CPNE1: variants seen among roughly 807,000 people sequenced by gnomAD.
CPNE1 encodes copine 1, also known as copine-1.
In CPNE1, 58 loss-of-function variants were observed where a neutral mutation model predicts 63.2. That is an observed-to-expected ratio of 0.92 (90% CI 0.74 to 1.14). The LOEUF (loss-of-function observed/expected upper bound fraction) is 1.14. Ranked by LOEUF, CPNE1 falls within the 50% of genes most tolerant of loss-of-function variation. The pLI is 0.00. For missense variants in CPNE1, 672 were observed against 661.7 expected, an observed-to-expected ratio of 1.02 and a Z score of -0.17; for synonymous variants, 237 against 249.0, an observed-to-expected ratio of 0.95 and a Z score of 0.45.
chr20:35,627,653 G>C, intron 13 of CPNE1: 1 of 404,740 alleles, frequency 2.5e-6, no homozygotes, highest in Non-Finnish European at 4.4e-6. Context: ...GATTCTCCTG[G>C]ACAAATCCAG....
chr20:35,644,078 T>C (rs2032975582), intron 1 of CPNE1, among the ~76,000 whole-genome samples: 1 of 152,116 alleles, frequency 6.6e-6, no homozygotes, highest in Non-Finnish European at 1.5e-5. Context: ...GATGATAATG[T>C]TAACTTTACA....
At chr20:35,664,186 T>A (rs1318740318) in intron 1 of CPNE1, among the ~76,000 whole-genome samples, 1 of 152,006 alleles carries the variant, frequency 6.6e-6, no homozygotes, top group Non-Finnish European at 1.5e-5. Flanking sequence ...CCCCTCCACC[T>A]TCAGGCCACG....
chr20:35,650,133 C>T (rs1000929258), intron 1 of CPNE1: 8 of 152,560 alleles, frequency 5.2e-5, no homozygotes, highest in African/African-American at 1.9e-4. Context: ...ATCTCAGATA[C>T]ACAAAAATCA....
chr20:35,633,073 T>C, intron 1 of CPNE1, 150 bp from the exon 2 acceptor site: 1 of 655,056 alleles, frequency 1.5e-6, no homozygotes, highest in South Asian at 1.9e-5. Flanking sequence ...GAAGGCCTCA[T>C]AGCCTCCAAA....
intron 13 of CPNE1, among the ~76,000 whole-genome samples, chr20:35,630,033 C>T (rs1351869710): frequency 1.3e-5 from 2 of 152,180 alleles, no homozygotes; most frequent in African/African-American, 2.4e-5. Flanking sequence ...TGGCTCAATA[C>T]CTGTAATCCC....
intron 1 of CPNE1, among the ~76,000 whole-genome samples, chr20:35,633,555 G>A (rs1391777682): frequency 6.6e-6 from 1 of 151,998 alleles, no homozygotes; most frequent in African/African-American, 2.4e-5. Context: ...TACAGCATTA[G>A]CCTCTTCAAC....
intron 1 of CPNE1, chr20:35,651,416 T>C (rs1372935817): frequency 1.3e-5 from 2 of 152,218 alleles, no homozygotes; most frequent in Admixed American, 6.5e-5. Context: ...CGAACAACTA[T>C]GCCAAAAAGC....
chr20:35,630,849 A>T, intron 11 of CPNE1, 52 bp downstream of exon 11: 1 of 1,604,754 alleles, frequency 6.2e-7, no homozygotes, highest in Non-Finnish European at 8.5e-7. Flanking sequence ...GTAAGCTCAG[A>T]GGCTGAAGCA....
chr20:35,647,694 C>T (rs969611175), intron 1 of CPNE1, among the ~76,000 whole-genome samples: 4 of 152,046 alleles, frequency 2.6e-5, no homozygotes, highest in Non-Finnish European at 5.9e-5. Context: ...CTCTAGGATG[C>T]TTTTGAGACT....
intron 1 of CPNE1, chr20:35,654,988 C>T: frequency 1.9e-6 from 3 of 1,614,130 alleles, no homozygotes; most frequent in South Asian, 1.1e-5. Flanking sequence ...GCTACTCATT[C>T]CTGAGCTAGG....
chr20:35,659,583 TCAAAATATTAA>T (rs2034117188), intron 1 of CPNE1, among the ~76,000 whole-genome samples: 2 of 152,322 alleles, frequency 1.3e-5, no homozygotes, highest in Non-Finnish European at 2.9e-5. Flanking sequence ...CCACTGGAGC[TCAAAATATTAA>T]CAAAATATTA....
chr20:35,634,244 G>A (rs1382915262), intron 1 of CPNE1, among the ~76,000 whole-genome samples: 2 of 141,070 alleles, frequency 1.4e-5, no homozygotes, highest in Non-Finnish European at 3.0e-5. Context: ...CTGGGGGACC[G>A]AGGTTGACTC....
In CPNE1 at chr20:35,626,147, T is replaced by TGCTA; in HGVS notation, c.*90_*93dup. On this transcript the variant is annotated 3_prime_UTR_variant, in exon 16 of 16. Coordinates refer to ENST00000397443, the MANE Select transcript of CPNE1 (RefSeq NM_152925.3). ...TATAAAAGTATCAAAAAATACAAAG[T>TGCTA]GCTAGCACTGAGGAGAGTGAGAAGG... is the stretch of plus-strand genomic sequence containing the variant. The TGCTA allele has an allele frequency of 5.4e-6, 7 of 1,290,788 alleles. No individual in the cohort carries two copies. The highest frequency in any genetic ancestry group is 6.8e-6 in the Non-Finnish European group (6 of 888,024). The allele number at this position is 1,290,788 out of a possible 1,614,324, so 80.0% of individuals were successfully genotyped here. A position where few individuals can be genotyped will look rare whatever the true frequency, so the allele number is the denominator to read the frequency against.
At position 35,626,555 on chromosome 20, in the gene CPNE1, G is replaced by A. The variant is rs1402579820; in HGVS notation, c.1473+12C>T. 6.2e-7 allele frequency: 1 copy of A among 1,611,618 alleles called. No homozygotes were observed. Among genetic ancestry groups the A allele is most frequent in the East Asian group, 2.2e-5 (1 of 44,868 alleles). On this transcript the variant is annotated intron_variant, in intron 15 of 15. Transcript: ENST00000397443. Reference sequence around the variant, plus strand: ...AAGGGTAAACTCCCAGATCAAATTTGCACCTACTCACATTCTGGAACCGGC... The same window carrying A: ...AAGGGTAAACTCCCAGATCAAATTTACACCTACTCACATTCTGGAACCGGC...
At chr20:35,627,146 TCACTG>T (rs1237984354) in intron 14 of CPNE1, 129 bp downstream of exon 14, 1 of 861,782 alleles carries the variant, frequency 1.2e-6, no homozygotes. Flanking sequence ...TGAGATCGCG[TCACTG>T]CACTCCAGCC....
intron 13 of CPNE1, 166 bp from the exon 14 acceptor site, chr20:35,627,579 A>C (rs1036869752): frequency 1.1e-5 from 7 of 614,072 alleles, no homozygotes; most frequent in African/African-American, 5.6e-5. Context: ...TGAGGAAACT[A>C]AGGTTCAAAG....
chr20:35,637,087 T>TC (rs1568918127), intron 1 of CPNE1, among the ~76,000 whole-genome samples: 1 of 152,040 alleles, frequency 6.6e-6, no homozygotes, highest in South Asian at 2.1e-4. Context: ...TCATCAGCTT[T>TC]CCCCCCAAAT....
At chr20:35,656,955 CTTCA>C (rs1407161664) in intron 1 of CPNE1, among the ~76,000 whole-genome samples, 1 of 152,200 alleles carries the variant, frequency 6.6e-6, no homozygotes, top group Non-Finnish European at 1.5e-5. Context: ...AATTCTGTAA[CTTCA>C]TTGTCAAATA....
At chr20:35,658,522 A>G (rs1456529363) in intron 1 of CPNE1, among the ~76,000 whole-genome samples, 1 of 152,150 alleles carries the variant, frequency 6.6e-6, no homozygotes, top group Non-Finnish European at 1.5e-5. Context: ...GCACTTTGGG[A>G]GGCTAAGGCA....
Sources: gnomAD v4.1 joint callset for allele counts (sites outside exome capture counted in the v4.1 genomes callset) on GRCh38, gnomAD v4.1.1 for gene constraint, MANE v1.5 for transcripts, NCBI Gene and HGNC (gene_info 2026-07-23, HGNC 2026-07-21) for gene names.